CPS1: variants seen among roughly 807,000 people sequenced by gnomAD.
The protein encoded by CPS1 is carbamoyl-phosphate synthase 1.
In CPS1, 109 loss-of-function variants were observed where a neutral mutation model predicts 174.6. That is an observed-to-expected ratio of 0.62 (90% CI 0.53 to 0.73). The LOEUF is 0.73. CPS1 is among the 30% of genes least tolerant of loss of function. CPS1 has a pLI of 0.00. For missense variants in CPS1, 1,689 were observed against 1,821.9 expected (o/e 0.93, Z 1.33); for synonymous variants, 637 against 632.0 (o/e 1.01, Z -0.12).
chr2:210,546,623 A>G, intron 1 of CPS1, among the ~76,000 whole-genome samples: 1 of 152,256 alleles, frequency 6.6e-6, no homozygotes, highest in East Asian at 1.9e-4. Context: ...TCTTCATCAG[A>G]TAAAATATTG....
intron 33 of CPS1, among the ~76,000 whole-genome samples, chr2:210,665,244 A>T (rs751598708): frequency 6.6e-6 from 1 of 152,220 alleles, no homozygotes; most frequent in Non-Finnish European, 1.5e-5. Context: ...GGTTATAGTC[A>T]TAAGAACTTT....
chr2:210,511,219 A>T (rs1574480196), intron 1 of CPS1, among the ~76,000 whole-genome samples: 1 of 152,326 alleles, frequency 6.6e-6, no homozygotes, highest in South Asian at 2.1e-4. Context: ...TGATGAGTTC[A>T]TGTCCTTTGT....
At chr2:210,616,604 T>A (rs1235705932) in intron 21 of CPS1, 63 bp downstream of exon 21, 3 of 980,872 alleles carry the variant, frequency 3.1e-6, no homozygotes, top group Non-Finnish European at 5.0e-6. Flanking sequence ...AGAGTCTTCT[T>A]CCTACTCTTA....
chr2:210,497,138 A>T (rs1222899762), intron 1 of CPS1, among the ~76,000 whole-genome samples: 1 of 152,152 alleles, frequency 6.6e-6, no homozygotes, highest in Non-Finnish European at 1.5e-5. Flanking sequence ...CTATTTGGTC[A>T]TCATTACATT....
intron 1 of CPS1, among the ~76,000 whole-genome samples, chr2:210,534,692 C>G (rs1696201863): frequency 6.6e-6 from 1 of 152,178 alleles, no homozygotes; most frequent in Non-Finnish European, 1.5e-5. Flanking sequence ...TTTTCTGTTA[C>G]TGAACTTAGG....
In CPS1 at chr2:210,674,814, T is replaced by C. The variant is rs1701466763; in HGVS notation, c.4102-88T>C. ...AAGCATCCGGCAACATGTAACATTG[T>C]CTTTTAAGATGTTGTAAGGAAATAC... On this transcript the variant is annotated intron_variant, in intron 34 of 37. Coordinates refer to ENST00000233072, the MANE Select transcript of CPS1 (RefSeq NM_001875.5). 3 of 1,054,422 alleles carry C rather than the reference T, an allele frequency of 2.8e-6. No homozygotes were observed. In the Admixed American group the frequency reaches 5.1e-5, roughly 18 times the overall value. The allele number at this position is 1,054,422 out of a possible 1,614,324, so 65.3% of individuals were successfully genotyped here.
Position 210,648,509 on chromosome 2 carries a change from C to T in CPS1, c.3373C>T (p.Pro1125Ser). Residue 1125 changes from proline to serine, a missense_variant, in exon 27 of 38, where the codon CCC becomes TCC. Pro to Ser is a moderately conservative substitution (Grantham distance 74). Transcript: ENST00000233072. ...GGAATTTGCAAAGTCTGTGGACTAC[C>T]CCTGCTTGTTGAGGCCTTCCTATGT... Reference protein sequence around the residue: ...ALEFAKSVDYPCLLRPSYVLS... With the variant: ...ALEFAKSVDYSCLLRPSYVLS... The T allele has an allele frequency of 1.2e-6, 2 of 1,613,532 alleles. No individual in the cohort carries two copies. The highest frequency in any genetic ancestry group is 1.7e-6 in the Non-Finnish European group (2 of 1,179,714).
At chr2:210,571,909 G>A (rs1023298629) in intron 1 of CPS1, among the ~76,000 whole-genome samples, 4 of 134,182 alleles carry the variant, frequency 3.0e-5, no homozygotes, top group African/African-American at 1.2e-4. Context: ...GTGTGTGTGT[G>A]TATGTGTAAT....
At chr2:210,477,710 A>G (rs1032922459) in exon 1 of CPS1, 17 of 1,608,996 alleles carry the variant, frequency 1.1e-5, no homozygotes, top group Non-Finnish European at 1.4e-5. Context: ...CTTTCTTAGG[A>G]AATGTAGTTG....
At position 210,678,172 on chromosome 2, in the gene CPS1, C is replaced by A; in HGVS notation, c.*187C>A. ...AGTCACTTCTTCAAAACCTTACAGTCCTTCCTAAGTTACTCTTCATGAGAT... is the reference window on the plus strand; with the variant it reads ...AGTCACTTCTTCAAAACCTTACAGTACTTCCTAAGTTACTCTTCATGAGAT... On this transcript the variant is annotated 3_prime_UTR_variant, in exon 38 of 38. Coordinates refer to ENST00000233072, the MANE Select transcript of CPS1 (RefSeq NM_001875.5). 1.5e-6 allele frequency: 1 copy of A among 672,386 alleles called. No individual in the cohort carries two copies. The allele number at this position is 672,386 out of a possible 1,614,324, so 41.7% of individuals were successfully genotyped here. A position where few individuals can be genotyped will look rare whatever the true frequency, so the allele number is the denominator to read the frequency against.
intron 1 of CPS1, among the ~76,000 whole-genome samples, chr2:210,482,744 A>C (rs1694607128): frequency 6.6e-6 from 1 of 152,096 alleles, no homozygotes; most frequent in African/African-American, 2.4e-5. Flanking sequence ...AACAGACTGA[A>C]ATTCCTTGAG....
intron 33 of CPS1, among the ~76,000 whole-genome samples, chr2:210,663,599 C>T (rs1700993084): frequency 6.6e-6 from 1 of 152,090 alleles, no homozygotes; most frequent in Admixed American, 6.5e-5. Flanking sequence ...AGAATGACAG[C>T]ATTATAAAGA....
intron 1 of CPS1, among the ~76,000 whole-genome samples, chr2:210,526,030 G>A (rs1245013703): frequency 2.0e-5 from 3 of 151,926 alleles, no homozygotes; most frequent in African/African-American, 7.2e-5. Context: ...AAGGGAGGCA[G>A]AGGACAAAGT....
At chr2:210,563,244 C>T (rs1264290925) in intron 1 of CPS1, among the ~76,000 whole-genome samples, 1 of 152,122 alleles carries the variant, frequency 6.6e-6, no homozygotes, top group Non-Finnish European at 1.5e-5. Flanking sequence ...GGCTCATTTA[C>T]ATACTGAATG....
chr2:210,509,332 A>C (rs950440595), intron 1 of CPS1, among the ~76,000 whole-genome samples: 1 of 151,792 alleles, frequency 6.6e-6, no homozygotes, highest in African/African-American at 2.4e-5. Flanking sequence ...ATTCAACAGC[A>C]CTTCATGCTA....
At position 210,677,991 on chromosome 2, in the gene CPS1, C is replaced by T. The variant is rs557721515; in HGVS notation, c.*6C>T. ...GTGCTGGAAAAGCAGCATAGAGATG[C>T]AGACACCCCAGCCCCATTATTAAAT... On this transcript the variant is annotated 3_prime_UTR_variant, in exon 38 of 38. Transcript: ENST00000233072. 2 of 1,593,260 alleles carry T rather than the reference C, an allele frequency of 1.3e-6. No individual in the cohort carries two copies. Among genetic ancestry groups the T allele is most frequent in the Non-Finnish European group, 1.7e-6 (2 of 1,160,914 alleles).
rs758481966 is a variant in CPS1, at chr2:210,663,142, C to T, written c.3947C>T (p.Pro1316Leu). ...VAIKAPMFSW[P>L]RLRDADPILR... is the part of the protein sequence containing the mutation. ...CAACAGGCTCCCATGTTTTCCTGGC[C>T]CCGGTTGAGGGATGCTGACCCCATT... Residue 1316 changes from proline to leucine, a missense_variant, in exon 33 of 38, where the codon CCC (proline) becomes CTC (leucine). Transcript: ENST00000233072. The T allele has an allele frequency of 6.2e-7, 1 of 1,613,830 alleles. No individual in the cohort carries two copies. Among genetic ancestry groups the T allele is most frequent in the South Asian group, 1.1e-5 (1 of 91,060 alleles).
At chr2:210,579,663 C>A in intron 4 of CPS1, 51 bp from the exon 5 acceptor site, 3 of 1,429,460 alleles carry the variant, frequency 2.1e-6, no homozygotes, top group Non-Finnish European at 3.0e-6. Context: ...AAACAATATG[C>A]TGGATTTAAT....
intron 20 of CPS1, 32 bp from the exon 21 acceptor site, chr2:210,616,391 G>A (rs1438122029): frequency 3.5e-6 from 5 of 1,447,082 alleles, no homozygotes; most frequent in Non-Finnish European, 4.9e-6. Context: ...AAAAATGTTT[G>A]CCAAAGAAAG....
Sources: allele counts gnomAD v4.1 joint callset (sites outside exome capture counted in the v4.1 genomes callset), GRCh38; gene constraint gnomAD v4.1.1; transcripts MANE v1.5; gene names NCBI Gene and HGNC (gene_info 2026-07-23, HGNC 2026-07-21).